STK38: variants seen among roughly 807,000 people sequenced by gnomAD.
The protein encoded by STK38 is serine/threonine kinase 38, also known as serine/threonine-protein kinase 38.
Under a neutral mutation model 59.0 loss-of-function variants are expected in STK38, and 26 were observed. The observed-to-expected ratio is 0.44, with a 90% confidence interval of 0.32 to 0.61. STK38 has a LOEUF of 0.61. Among genes scored for constraint, STK38 ranks in the 20% least tolerant of loss-of-function variants. The probability of loss-of-function intolerance (pLI) is 0.04; values close to 1 mark genes in which losing one functional copy is unlikely to be tolerated. For synonymous variants in STK38, 175 were observed against 176.6 expected, an observed-to-expected ratio of 0.99 and a Z score of 0.07; for missense variants, 433 against 566.0, an observed-to-expected ratio of 0.76 and a Z score of 2.38.
intron 2 of STK38, among the ~76,000 whole-genome samples, chr6:36,537,528 T>C (rs1338618534): frequency 1.3e-5 from 2 of 152,078 alleles, no homozygotes; most frequent in East Asian, 3.8e-4. Flanking sequence ...CAAACAAAGA[T>C]ATAGTCAGAA....
chr6:36,545,061 A>C (rs1778026686), intron 1 of STK38, among the ~76,000 whole-genome samples: 1 of 152,090 alleles, frequency 6.6e-6, no homozygotes. Context: ...AGGCTGAGGC[A>C]GGTGGATCAC....
chr6:36,544,146 T>C (rs1561996635), intron 1 of STK38, among the ~76,000 whole-genome samples: 4 of 152,144 alleles, frequency 2.6e-5, no homozygotes, highest in Admixed American at 2.0e-4. Flanking sequence ...GATTCAAAAC[T>C]AAGACTCTAC....
At chr6:36,507,671 C>T in intron 7 of STK38, 69 bp from the exon 8 acceptor site, 4 of 1,154,856 alleles carry the variant, frequency 3.5e-6, no homozygotes, top group Non-Finnish European at 5.2e-6. Context: ...TTACGTTCTG[C>T]TCCTTCCAGC....
rs75962761 is a variant in STK38, at chr6:36,519,100, T to C, written c.391-1260A>G. ...CTAACTCTTGGAGGCCCAGAGGCAT[T>C]TGACTTTATGTATTTGAGTTTTCAG... On this transcript the variant is annotated intron_variant, in intron 5 of 13. Transcript: ENST00000229812. 6.5e-3 allele frequency among the ~76,000 whole-genome samples: 994 copies of C among 152,320 alleles called. 8 individuals carry two copies. The highest frequency in any genetic ancestry group is 0.021 in the African/African-American group (871 of 41,564).
intron 2 of STK38, among the ~76,000 whole-genome samples, chr6:36,531,895 T>C (rs1777674205): frequency 6.6e-6 from 1 of 152,164 alleles, no homozygotes; most frequent in African/African-American, 2.4e-5. Flanking sequence ...TATAAACTAG[T>C]GTTCTTTATG....
Position 36,522,691 on chromosome 6 carries a change from A to G in STK38, c.307-874T>C, listed in dbSNP as rs140280024. On this transcript the variant is annotated intron_variant, in intron 4 of 13. Transcript: ENST00000229812. Reference sequence around the variant, plus strand: ...TGGCCAACCTGGTGAAACCCCGTCTACTAAAAATACGAAAATTAGCTGGGT... The same window carrying G: ...TGGCCAACCTGGTGAAACCCCGTCTGCTAAAAATACGAAAATTAGCTGGGT... 6.5e-3 allele frequency among the ~76,000 whole-genome samples: 989 copies of G among 151,934 alleles called. 8 individuals are homozygous for G. The highest frequency in any genetic ancestry group is 0.021 in the African/African-American group (869 of 41,452).
intron 2 of STK38, among the ~76,000 whole-genome samples, chr6:36,528,365 G>A (rs1021557449): frequency 2.0e-5 from 3 of 152,168 alleles, no homozygotes; most frequent in Admixed American, 6.5e-5. Context: ...TTATTGTAAT[G>A]ATTCAGATGT....
chr6:36,508,689 G>A (rs1157886617), intron 7 of STK38, among the ~76,000 whole-genome samples: 1 of 152,242 alleles, frequency 6.6e-6, no homozygotes, highest in Non-Finnish European at 1.5e-5. Flanking sequence ...GCAGGCTTGT[G>A]CTACCAGCGC....
At chr6:36,502,469 C>T (rs555067986) in intron 9 of STK38, among the ~76,000 whole-genome samples, 1 of 152,072 alleles carries the variant, frequency 6.6e-6, no homozygotes. Flanking sequence ...CATAGGAATT[C>T]TTTATGAATT....
At position 36,494,089 on chromosome 6, in the gene STK38, C is replaced by T. The variant is rs1442901685; in HGVS notation, c.*1695G>A. On this transcript the variant is annotated 3_prime_UTR_variant, in exon 14 of 14. Coordinates refer to ENST00000229812, the MANE Select transcript of STK38 (RefSeq NM_007271.4). ...ACTATTTGGTAATACAAAGAGACTA[C>T]AAAGTCACACAAAAGAATCTCATTT... The T allele has an allele frequency of 6.6e-6, 1 of 152,214 alleles. No individual in the cohort carries two copies. Among genetic ancestry groups the T allele is most frequent in the Non-Finnish European group, 1.5e-5 (1 of 68,044 alleles). The allele number at this position is 152,214 out of a possible 1,614,324, so 9.4% of individuals were successfully genotyped here.
At chr6:36,511,798 C>T (rs1199859841) in intron 7 of STK38, among the ~76,000 whole-genome samples, 1 of 152,018 alleles carries the variant, frequency 6.6e-6, no homozygotes, top group Non-Finnish European at 1.5e-5. Flanking sequence ...GTGGCTCACG[C>T]CTGTAATCCC....
intron 2 of STK38, among the ~76,000 whole-genome samples, chr6:36,534,670 A>C (rs1193372304): frequency 1.3e-5 from 2 of 152,072 alleles, no homozygotes; most frequent in Non-Finnish European, 1.5e-5. Flanking sequence ...ACAATAAAAA[A>C]ATTTTTTAAC....
intron 7 of STK38, 150 bp downstream of exon 7, chr6:36,515,188 A>C (rs1759418179): frequency 1.2e-6 from 1 of 804,284 alleles, no homozygotes. Context: ...AGGAAGTGAC[A>C]GCAAACTTAC....
In STK38 at chr6:36,547,402, G is replaced by A. The variant is rs969522561; in HGVS notation, c.-218C>T. The A allele has an allele frequency of 1.3e-5, 2 of 152,512 alleles. No individual in the cohort carries two copies. The highest frequency in any genetic ancestry group is 1.3e-4 in the Admixed American group (2 of 15,312). The allele number at this position is 152,512 out of a possible 1,614,324, so 9.4% of individuals were successfully genotyped here. ...GTTCCAACTGCCGGAAAAGACGCGA[G>A]CGCTGAGGGGCCAAGGCAGCCCGGT... On this transcript the variant is annotated 5_prime_UTR_variant, in exon 1 of 14. Transcript: ENST00000229812.
intron 3 of STK38, 28 bp from the exon 4 acceptor site, chr6:36,524,491 A>G (rs377248174): frequency 1.3e-6 from 2 of 1,572,788 alleles, no homozygotes; most frequent in Non-Finnish European, 1.7e-6. Context: ...AAGGGAGGAG[A>G]CGGGAAGGAA....
intron 7 of STK38, among the ~76,000 whole-genome samples, chr6:36,509,277 G>A (rs1188004061): frequency 1.3e-5 from 2 of 152,178 alleles, no homozygotes; most frequent in East Asian, 1.9e-4. Flanking sequence ...TCCGCAAGCA[G>A]GTCATCCTGA....
chr6:36,533,601 T>C lies in STK38; in HGVS notation c.131+6471A>G, dbSNP rs150315064. On this transcript the variant is annotated intron_variant, in intron 2 of 13. Transcript: ENST00000229812. ...TATAATCTTAGTGTTAATCACAATG[T>C]ATCATTTATTAATAATGTAAATAAA... 4.1e-3 allele frequency among the ~76,000 whole-genome samples: 632 copies of C among 152,318 alleles called. 4 individuals carry two copies. Among genetic ancestry groups the C allele is most frequent in the Middle Eastern group, 0.017 (5 of 294 alleles).
chr6:36,542,588 G>A (rs186820851), intron 1 of STK38, among the ~76,000 whole-genome samples: 322 of 152,314 alleles, frequency 2.1e-3, no homozygotes, highest in African/African-American at 6.8e-3. Flanking sequence ...AGGTTGCAGT[G>A]AGCCGAGATA....
chr6:36,543,804 G>T (rs1038106363), intron 1 of STK38, among the ~76,000 whole-genome samples: 15 of 151,972 alleles, frequency 9.9e-5, no homozygotes, highest in Non-Finnish European at 1.9e-4. Context: ...ATCACCCCCA[G>T]CTAGTTTTTA....
Sources: allele counts gnomAD v4.1 joint callset (sites outside exome capture counted in the v4.1 genomes callset), GRCh38; gene constraint gnomAD v4.1.1; transcripts MANE v1.5; gene names NCBI Gene and HGNC (gene_info 2026-07-23, HGNC 2026-07-21).